Variants in KIF26B observed in about 807,000 individuals in gnomAD.
The protein encoded by KIF26B is kinesin-like protein KIF26B.
In KIF26B, 63 loss-of-function variants were observed where a neutral mutation model predicts 151.2. The ratio of observed to expected loss-of-function variants is 0.42; its 90% CI spans 0.34 to 0.51. The LOEUF (loss-of-function observed/expected upper bound fraction) is 0.51. Ranked by LOEUF, KIF26B falls within the 20% of genes least tolerant of loss-of-function variation. The probability of loss-of-function intolerance (pLI) is 0.07; values close to 1 mark genes in which losing one functional copy is unlikely to be tolerated. For missense variants in KIF26B, 2,813 were observed against 2,913.6 expected (o/e 0.97, Z 0.79); for synonymous variants, 1,357 against 1,262.1 (o/e 1.08, Z -1.59).
intron 3 of KIF26B, among the ~76,000 whole-genome samples, chr1:245,380,868 A>C (rs999240316): frequency 6.6e-6 from 1 of 150,836 alleles, no homozygotes; most frequent in African/African-American, 2.4e-5. Flanking sequence ...GCAGTTTAGA[A>C]CTCAATGCGC....
chr1:245,384,168 G>C (rs1393649894), intron 3 of KIF26B, among the ~76,000 whole-genome samples: 1 of 152,118 alleles, frequency 6.6e-6, no homozygotes, highest in African/African-American at 2.4e-5. Flanking sequence ...GTGTGCTCCG[G>C]CTTTACGAGG....
chr1:245,465,002 T>G (rs1756883), intron 4 of KIF26B, among the ~76,000 whole-genome samples: 109,224 of 134,472 alleles, frequency 0.81, 44,796 homozygotes, highest in African/African-American at 0.89. Context: ...TTTTTGAGAC[T>G]GAGTCTCACT....
rs2042935985 is a variant in KIF26B at position 245,560,516 on chromosome 1, T to G, written c.1350+19566T>G. On this transcript the variant is annotated intron_variant, in intron 5 of 14. Coordinates refer to ENST00000407071, the MANE Select transcript of KIF26B (RefSeq NM_018012.4). The surrounding 1 kb of genome is among the most constrained non-coding windows in gnomAD (Gnocchi z 4.3). Reference sequence around the variant, plus strand: ...CTGGGTGTTGATCTCCTTATGATACTCTCGGTTCCTAATTATGTTAGAAAA... The same window carrying G: ...CTGGGTGTTGATCTCCTTATGATACGCTCGGTTCCTAATTATGTTAGAAAA... Among the ~76,000 whole-genome samples the G allele has an allele frequency of 6.6e-6, 1 of 151,858 alleles. No individual in the cohort carries two copies. Among genetic ancestry groups the G allele is most frequent in the Non-Finnish European group, 1.5e-5 (1 of 67,926 alleles).
intron 10 of KIF26B, among the ~76,000 whole-genome samples, chr1:245,676,965 G>A (rs1558264848): frequency 6.6e-6 from 1 of 152,176 alleles, no homozygotes; most frequent in East Asian, 1.9e-4. Context: ...GATGGTGTCG[G>A]GAAGAACGCG....
In KIF26B at chr1:245,597,441, T is replaced by G. The variant is rs1190120264; in HGVS notation, c.1351-5136T>G. On this transcript the variant is annotated intron_variant, in intron 5 of 14. Transcript: ENST00000407071. This position sits in a 1 kb window ranked among gnomAD's most constrained non-coding sequence, Gnocchi z 4.6. Reference sequence around the variant, plus strand: ...TGGGTTGAAAATTCTTTAAGAGTGTTGACTATTGGCCCCCACCCTCTTCTG... The same window carrying G: ...TGGGTTGAAAATTCTTTAAGAGTGTGGACTATTGGCCCCCACCCTCTTCTG... Among the ~76,000 whole-genome samples the G allele has an allele frequency of 1.3e-5, 2 of 152,166 alleles. No individual in the cohort carries two copies. The highest frequency in any genetic ancestry group is 1.5e-5 in the Non-Finnish European group (1 of 68,032).
chr1:245,585,529 A>AG (rs1048903573), intron 5 of KIF26B, among the ~76,000 whole-genome samples: 5 of 148,472 alleles, frequency 3.4e-5, no homozygotes, highest in African/African-American at 1.3e-4. Context: ...CTTCTCCACT[A>AG]GGGAAAAAAA....
intron 4 of KIF26B, among the ~76,000 whole-genome samples, chr1:245,421,036 T>C (rs1658472798): frequency 6.6e-6 from 1 of 152,074 alleles, no homozygotes; most frequent in Non-Finnish European, 1.5e-5. Context: ...GTGTGGGAAG[T>C]AATAGGAAAT....
chr1:245,468,158 C>T (rs894486003), intron 4 of KIF26B, among the ~76,000 whole-genome samples: 2 of 152,204 alleles, frequency 1.3e-5, no homozygotes, highest in African/African-American at 2.4e-5. Context: ...AAACCAACTT[C>T]ATTTCCACCT....
At chr1:245,187,845 C>T (rs941247277) in intron 2 of KIF26B, among the ~76,000 whole-genome samples, 2 of 151,992 alleles carry the variant, frequency 1.3e-5, no homozygotes, top group African/African-American at 4.8e-5. Context: ...GAAGAACAGG[C>T]AAAGGATGTG....
intron 10 of KIF26B, among the ~76,000 whole-genome samples, chr1:245,647,342 A>G (rs562580481): frequency 6.8e-6 from 1 of 146,446 alleles, no homozygotes; most frequent in Non-Finnish European, 1.5e-5. Context: ...GGAGAATGGC[A>G]TGAAACCAGG....
intron 9 of KIF26B, among the ~76,000 whole-genome samples, chr1:245,627,350 C>T (rs553764071): frequency 6.6e-6 from 1 of 152,250 alleles, no homozygotes; most frequent in South Asian, 2.1e-4. Flanking sequence ...TTCAGAAACT[C>T]ACTCAAAACC....
At position 245,205,640 on chromosome 1, in the gene KIF26B, C is replaced by T. The variant is rs531131098; in HGVS notation, c.465+48957C>T. On this transcript the variant is annotated intron_variant, in intron 2 of 14. Coordinates refer to ENST00000407071, the MANE Select transcript of KIF26B (RefSeq NM_018012.4). Reference sequence around the variant, plus strand: ...AAAACTACTTCCATGATGTTCCTGCCACAGGATTTCGTGCTGGGCTGACAG... The same window carrying T: ...AAAACTACTTCCATGATGTTCCTGCTACAGGATTTCGTGCTGGGCTGACAG... Among the ~76,000 whole-genome samples the T allele has an allele frequency of 3.1e-4, 47 of 152,210 alleles. No individual in the cohort carries two copies. The South Asian group carries it at 6.6e-3, about 22-fold the overall frequency.
At chr1:245,192,272 T>A (rs1669123022) in intron 2 of KIF26B, among the ~76,000 whole-genome samples, 1 of 151,962 alleles carries the variant, frequency 6.6e-6, no homozygotes, top group African/African-American at 2.4e-5. Flanking sequence ...ATATAATTAA[T>A]GCTAAGTGAT....
At chr1:245,696,258 C>G (rs963058276) in intron 12 of KIF26B, among the ~76,000 whole-genome samples, 7 of 152,218 alleles carry the variant, frequency 4.6e-5, no homozygotes, top group Non-Finnish European at 8.8e-5. Flanking sequence ...GTCATTCCCT[C>G]TGGGGGATGC....
At chr1:245,373,114 C>A (rs756464763) in intron 3 of KIF26B, among the ~76,000 whole-genome samples, 4 of 152,172 alleles carry the variant, frequency 2.6e-5, no homozygotes, top group Admixed American at 1.3e-4. Flanking sequence ...AGTTTGATCT[C>A]TTTTGCTAAA....
At chr1:245,175,715 A>G (rs746910363) in intron 2 of KIF26B, among the ~76,000 whole-genome samples, 2 of 152,138 alleles carry the variant, frequency 1.3e-5, no homozygotes, top group African/African-American at 2.4e-5. Context: ...TTCAAGTCAT[A>G]TGATCTCTTT....
chr1:245,164,331 T>G (rs1256784315), intron 2 of KIF26B, among the ~76,000 whole-genome samples: 3 of 152,256 alleles, frequency 2.0e-5, no homozygotes, highest in Non-Finnish European at 4.4e-5. Flanking sequence ...AAAGATATGC[T>G]TCTGGATCCA....
chr1:245,342,835 C>T (rs1336219748), intron 2 of KIF26B, among the ~76,000 whole-genome samples: 1 of 152,044 alleles, frequency 6.6e-6, no homozygotes, highest in Non-Finnish European at 1.5e-5. Context: ...GCCTGTAATC[C>T]CAACACTTTG....
intron 2 of KIF26B, among the ~76,000 whole-genome samples, chr1:245,258,122 C>T (rs1241658141): frequency 6.6e-6 from 1 of 152,186 alleles, no homozygotes; most frequent in Non-Finnish European, 1.5e-5. Context: ...CTTGACGTGG[C>T]TACTGTTCTA....
Sources: gnomAD v4.1 joint callset for allele counts (sites outside exome capture counted in the v4.1 genomes callset) on GRCh38, gnomAD v4.1.1 for gene constraint, Gnocchi (gnomAD v3.1) non-coding constraint, MANE v1.5 for transcripts, NCBI Gene and HGNC (gene_info 2026-07-23, HGNC 2026-07-21) for gene names.